The following GLO1 variants were observed in gnomAD, a reference collection of about 807,000 sequenced individuals.
The protein encoded by GLO1 is lactoylglutathione lyase.
GLO1 carries 28 observed loss-of-function variants against 26.0 expected under a neutral mutation model. The ratio of observed to expected loss-of-function variants is 1.08; its 90% CI spans 0.80 to 1.48. The LOEUF (loss-of-function observed/expected upper bound fraction) is 1.48. Ranked by LOEUF, GLO1 falls within the 40% of genes most tolerant of loss-of-function variation. The pLI, the probability that GLO1 is intolerant of heterozygous loss-of-function variation, is 0.00. For missense variants in GLO1, 225 were observed against 224.8 expected (o/e 1.00, Z -0.01); for synonymous variants, 78 against 77.6 (o/e 1.00, Z -0.03).
intron 5 of GLO1, among the ~76,000 whole-genome samples, chr6:38,680,465 G>A (rs964577710): frequency 2.6e-5 from 4 of 152,224 alleles, no homozygotes; most frequent in African/African-American, 7.2e-5. Flanking sequence ...AGGTTGCGGT[G>A]AGCCAAGACC....
chr6:38,697,232 T>C (rs893013660), intron 1 of GLO1, among the ~76,000 whole-genome samples: 20 of 152,232 alleles, frequency 1.3e-4, no homozygotes, highest in Non-Finnish European at 2.1e-4. Context: ...TTCTTAAGGC[T>C]CAACTAAACA....
chr6:38,698,404 GA>G (rs1761641737), intron 1 of GLO1, among the ~76,000 whole-genome samples: 2 of 149,100 alleles, frequency 1.3e-5, no homozygotes, highest in East Asian at 3.9e-4. Context: ...CAATCTACCT[GA>G]TTGGAGAGGG....
Position 38,678,811 on chromosome 6 carries a change from G to T in GLO1, c.467-1428C>A, listed in dbSNP as rs548698860. 3.9e-5 allele frequency among the ~76,000 whole-genome samples: 6 copies of T among 152,292 alleles called. No homozygotes were observed. In the South Asian group the frequency reaches 1.2e-3, roughly 32 times the overall value. ...ATACTCTTCCCTGAGGGATGAAGTG[G>T]GAAGATCCAACCTGAAGAGGTGTTT... On this transcript the variant is annotated intron_variant, in intron 5 of 5. Transcript: ENST00000373365.
chr6:38,681,446 A>G (rs1212983370), intron 5 of GLO1, among the ~76,000 whole-genome samples: 2 of 152,208 alleles, frequency 1.3e-5, no homozygotes, highest in Non-Finnish European at 2.9e-5. Context: ...GAGACTCTGA[A>G]ATATTTAATA....
At chr6:38,682,259 A>G (rs899618485) in intron 4 of GLO1, among the ~76,000 whole-genome samples, 158 bp from the exon 5 acceptor site, 1 of 152,244 alleles carries the variant, frequency 6.6e-6, no homozygotes, top group Non-Finnish European at 1.5e-5. Flanking sequence ...ACATTAAAGA[A>G]CAAATATAGA....
chr6:38,682,081 G>A lies in GLO1; in HGVS notation c.397C>T (p.Pro133Ser), dbSNP rs757438071. Residue 133 changes from proline (P) to serine (S), a missense_variant, in exon 5 of 6, where the codon CCT (proline) becomes TCT (serine). Transcript: ENST00000373365. ...RGFGHIGIAV[P>S]DVYSACKRFE... ...CTTTTACAAGCACTGTATACATCAG[G>A]AACAGCAATTCCAATATGACCTTAC... 1 of 1,587,294 alleles carries A rather than the reference G, an allele frequency of 6.3e-7. No homozygotes were observed. Among genetic ancestry groups the A allele is most frequent in the Non-Finnish European group, 8.7e-7 (1 of 1,155,604 alleles).
In GLO1 at chr6:38,676,325, A is replaced by G. The variant is rs1761242816; in HGVS notation, c.*970T>C. Reference sequence around the variant, plus strand: ...ATAGGGAAGACTCTTTATGAGAAATATAAACATCACTTGTGTAGGAATCAC... The same window carrying G: ...ATAGGGAAGACTCTTTATGAGAAATGTAAACATCACTTGTGTAGGAATCAC... On this transcript the variant is annotated 3_prime_UTR_variant, in exon 6 of 6. Coordinates refer to ENST00000373365, the MANE Select transcript of GLO1 (RefSeq NM_006708.3). 6.6e-6 allele frequency: 1 copy of G among 152,212 alleles called. No individual in the cohort carries two copies. The highest frequency in any genetic ancestry group is 2.4e-5 in the African/African-American group (1 of 41,448). The allele number at this position is 152,212 out of a possible 1,614,324, so 9.4% of individuals were successfully genotyped here.
chr6:38,676,280 G>A lies in GLO1; in HGVS notation c.*1015C>T, dbSNP rs1411937385. ...ACATAATTTATCATATATGGCTACTGGCATCATGAAGACCTTGGGATAGGG... is the reference window on the plus strand; with the variant it reads ...ACATAATTTATCATATATGGCTACTAGCATCATGAAGACCTTGGGATAGGG... On this transcript the variant is annotated 3_prime_UTR_variant, in exon 6 of 6. Transcript: ENST00000373365. 1 of 152,038 alleles carries A rather than the reference G, an allele frequency of 6.6e-6. No individual in the cohort carries two copies. Among genetic ancestry groups the A allele is most frequent in the Non-Finnish European group, 1.5e-5 (1 of 68,014 alleles). 9.4% of individuals were successfully genotyped at this position (152,038 alleles called of 1,614,324 possible).
chr6:38,679,845 A>G (rs1333216109), intron 5 of GLO1, among the ~76,000 whole-genome samples: 4 of 152,146 alleles, frequency 2.6e-5, no homozygotes, highest in Non-Finnish European at 5.9e-5. Context: ...TATGAAAAAA[A>G]GAACAAGAAC....
intron 3 of GLO1, among the ~76,000 whole-genome samples, chr6:38,683,516 A>G (rs1303990248): frequency 6.6e-6 from 1 of 152,242 alleles, no homozygotes; most frequent in Non-Finnish European, 1.5e-5. Flanking sequence ...TGAAAGACTA[A>G]TTATAGTACC....
chr6:38,693,705 A>ATATATATATATTTGT (rs1761565855), intron 1 of GLO1, among the ~76,000 whole-genome samples: 1 of 134,260 alleles, frequency 7.4e-6, no homozygotes, highest in African/African-American at 3.1e-5. Context: ...ATATATATAT[A>ATATATATATATTTGT]TTTGTTTTGT....
chr6:38,682,991 C>G, intron 3 of GLO1, 116 bp from the exon 4 acceptor site: 2 of 648,342 alleles, frequency 3.1e-6, no homozygotes, highest in Non-Finnish European at 5.6e-6. Context: ...ATTGGCCTAA[C>G]CCCTGCTACA....
At chr6:38,687,630 C>G (rs941400790) in intron 1 of GLO1, among the ~76,000 whole-genome samples, 23 of 152,160 alleles carry the variant, frequency 1.5e-4, no homozygotes, top group African/African-American at 5.3e-4. Flanking sequence ...TATCAGGAAA[C>G]AGAAGGCTTG....
intron 5 of GLO1, among the ~76,000 whole-genome samples, chr6:38,680,961 C>A (rs1396825499): frequency 6.6e-6 from 1 of 152,086 alleles, no homozygotes; most frequent in Non-Finnish European, 1.5e-5. Context: ...TTATTATTAT[C>A]TTTAAAAAAT....
chr6:38,693,356 T>C (rs1358966481), intron 1 of GLO1, among the ~76,000 whole-genome samples: 1 of 152,156 alleles, frequency 6.6e-6, no homozygotes, highest in African/African-American at 2.4e-5. Flanking sequence ...TTCCTGATAT[T>C]GGTAGTTTGT....
chr6:38,701,852 A>T (rs1761704352), intron 1 of GLO1, among the ~76,000 whole-genome samples: 2 of 152,150 alleles, frequency 1.3e-5, no homozygotes, highest in African/African-American at 4.8e-5. Flanking sequence ...CAAATGATGT[A>T]GTCAAATAAA....
intron 1 of GLO1, among the ~76,000 whole-genome samples, chr6:38,696,572 T>C (rs550514927): frequency 5.9e-5 from 9 of 152,350 alleles, no homozygotes; most frequent in African/African-American, 1.9e-4. Context: ...GTCTCTTTTA[T>C]AGGATGCTAA....
intron 1 of GLO1, among the ~76,000 whole-genome samples, chr6:38,689,963 T>C (rs1414144453): frequency 6.6e-6 from 1 of 152,086 alleles, no homozygotes; most frequent in African/African-American, 2.4e-5. Flanking sequence ...TAGCTGGGAC[T>C]ACAGGCGCCC....
intron 1 of GLO1, among the ~76,000 whole-genome samples, chr6:38,700,166 T>C (rs1211992151): frequency 2.0e-5 from 3 of 152,184 alleles, no homozygotes; most frequent in East Asian, 1.9e-4. Context: ...CCAATACTTA[T>C]GGAAAATAGA....
Sources: gnomAD v4.1 joint callset for allele counts (sites outside exome capture counted in the v4.1 genomes callset) on GRCh38, gnomAD v4.1.1 for gene constraint, MANE v1.5 for transcripts, NCBI Gene and HGNC (gene_info 2026-07-23, HGNC 2026-07-21) for gene names.